TXNRD2: variants seen among roughly 807,000 people sequenced by gnomAD.
TXNRD2 encodes the protein thioredoxin reductase 2, mitochondrial.
TXNRD2 carries 67 observed loss-of-function variants against 70.8 expected under a neutral mutation model. The ratio of observed to expected loss-of-function variants is 0.95; its 90% confidence interval spans 0.78 to 1.16. TXNRD2 has a LOEUF of 1.16. Among genes scored for constraint, TXNRD2 ranks in the 50% most tolerant of loss-of-function variants. The pLI, the probability that TXNRD2 is intolerant of heterozygous loss-of-function variation, is 0.00. For synonymous variants in TXNRD2, 301 were observed against 295.8 expected (o/e 1.02, Z -0.18); for missense variants, 644 against 719.9 (o/e 0.89, Z 1.21).
chr22:19,877,350 G>T, intron 16 of TXNRD2, 116 bp from the exon 17 acceptor site: 1 of 962,814 alleles, frequency 1.0e-6, no homozygotes, highest in Non-Finnish European at 1.6e-6. Context: ...ACTGTCCCCT[G>T]ACCCCCAGCC....
At chr22:19,878,213 A>G (rs759278067) in intron 15 of TXNRD2, 26 bp from the exon 16 acceptor site, 1 of 1,609,836 alleles carries the variant, frequency 6.2e-7, no homozygotes, top group East Asian at 2.2e-5. Flanking sequence ...CTCAGCCACC[A>G]GCCCAGGAGG....
intron 2 of TXNRD2, among the ~76,000 whole-genome samples, chr22:19,920,554 G>T (rs912068645): frequency 6.6e-6 from 1 of 151,580 alleles, no homozygotes; most frequent in Non-Finnish European, 1.5e-5. Flanking sequence ...CTGTACTCCA[G>T]CCTGGGCGAC....
In TXNRD2 at chr22:19,921,172, T is replaced by A. The variant is rs549933150; in HGVS notation, c.173-1573A>T. On this transcript the variant is annotated intron_variant, in intron 2 of 17. Coordinates refer to ENST00000400521, the MANE Select transcript of TXNRD2 (RefSeq NM_006440.5). ...GCTCACGCCTATAATCTCAACACTT[T>A]GGGAGGCCGCAGCAGGCAGATTGCT... Among the ~76,000 whole-genome samples the A allele has an allele frequency of 4.6e-5, 7 of 150,834 alleles. No homozygotes were observed. The East Asian group carries it at 1.4e-3, about 29-fold the overall frequency.
At chr22:19,913,113 C>T (rs1416383717) in intron 7 of TXNRD2, among the ~76,000 whole-genome samples, 2 of 152,130 alleles carry the variant, frequency 1.3e-5, no homozygotes, top group South Asian at 2.1e-4. Flanking sequence ...GCTGCAGCTG[C>T]CCCCCAACCC....
chr22:19,895,339 T>TG lies in TXNRD2; in HGVS notation c.949+67dup, dbSNP rs1188860485. 20 of 1,608,224 alleles carry TG rather than the reference T, an allele frequency of 1.2e-5. No individual in the cohort carries two copies. The East Asian group carries it at 3.8e-4, about 30-fold the overall frequency. On this transcript the variant is annotated intron_variant, in intron 11 of 17. Transcript: ENST00000400521. Reference sequence around the variant, plus strand: ...GGGAGCCCTGGGAGGTGACAGGAAGTGGGGCAAAGATTCTCCATGCACCTC... The same window carrying TG: ...GGGAGCCCTGGGAGGTGACAGGAAGTGGGGGCAAAGATTCTCCATGCACCTC...
In TXNRD2 at chr22:19,877,166, A is replaced by T. The variant is rs759613137; in HGVS notation, c.1514T>A (p.Val505Asp). ...TGAGCGCTTGGAGATGCGCAGCTTG[A>T]CTACCTCCTCAGAGCATGTGGGATG... The part of the protein sequence containing the change: ...GIHPTCSEEV[V>D]KLRISKRSGL... Residue 505 changes from valine (V) to aspartate (D), a missense_variant, in exon 17 of 18, where the codon GTC (valine) becomes GAC (aspartate). Physicochemically the swap from Val to Asp is radical, Grantham distance 152. Transcript: ENST00000400521. 1.1e-4 allele frequency: 171 copies of T among 1,610,258 alleles called. No homozygotes were observed. The highest frequency in any genetic ancestry group is 1.4e-4 in the Non-Finnish European group (168 of 1,177,760).
chr22:19,926,788 A>ACAAC (rs1161317985), intron 2 of TXNRD2, among the ~76,000 whole-genome samples: 1 of 152,018 alleles, frequency 6.6e-6, no homozygotes, highest in Non-Finnish European at 1.5e-5. Context: ...CTGAAAACAA[A>ACAAC]CAACCAACCA....
At chr22:19,936,498 A>G (rs6518591) in intron 1 of TXNRD2, among the ~76,000 whole-genome samples, 34,707 of 151,980 alleles carry the variant, frequency 0.23, 4,478 homozygotes, top group African/African-American at 0.35. Context: ...CCAAACCTTT[A>G]CAGTCTTTGC....
At chr22:19,911,655 G>A (rs1039667324) in intron 7 of TXNRD2, among the ~76,000 whole-genome samples, 3 of 152,184 alleles carry the variant, frequency 2.0e-5, no homozygotes. Context: ...CTGCACTCCA[G>A]GTCCCGGTGC....
chr22:19,939,172 G>A (rs780625961), intron 1 of TXNRD2, among the ~76,000 whole-genome samples: 2 of 148,614 alleles, frequency 1.3e-5, no homozygotes, highest in Non-Finnish European at 3.0e-5. Flanking sequence ...AGGAAGAGAC[G>A]TTCGCGTCAG....
intron 1 of TXNRD2, among the ~76,000 whole-genome samples, chr22:19,935,395 T>C (rs1035786330): frequency 6.6e-6 from 1 of 152,194 alleles, no homozygotes; most frequent in African/African-American, 2.4e-5. Flanking sequence ...TCTTAAACCA[T>C]GTTTTCCGTT....
chr22:19,930,113 G>A (rs966501290), intron 2 of TXNRD2, among the ~76,000 whole-genome samples: 1 of 152,148 alleles, frequency 6.6e-6, no homozygotes, highest in Non-Finnish European at 1.5e-5. Flanking sequence ...CTGATCCTGG[G>A]TGCCTCTGCG....
At chr22:19,915,714 A>G (rs552370773) in intron 6 of TXNRD2, 51 bp downstream of exon 6, 8 of 1,537,076 alleles carry the variant, frequency 5.2e-6, no homozygotes, top group Non-Finnish European at 7.2e-6. Context: ...TTGGTGCCCA[A>G]GGTCTGCAGA....
intron 8 of TXNRD2, among the ~76,000 whole-genome samples, chr22:19,909,783 C>CTT (rs1940279610): frequency 8.3e-6 from 1 of 120,374 alleles, no homozygotes; most frequent in Non-Finnish European, 1.7e-5. Context: ...ACCACACACA[C>CTT]CACACACACA....
intron 1 of TXNRD2, among the ~76,000 whole-genome samples, chr22:19,940,644 C>A (rs1258045309): frequency 6.6e-6 from 1 of 152,138 alleles, no homozygotes; most frequent in African/African-American, 2.4e-5. Flanking sequence ...CCCTTTGAAC[C>A]TTTTTCCTCC....
chr22:19,883,498 C>T (rs749371704), intron 11 of TXNRD2, 37 bp from the exon 12 acceptor site: 1 of 1,613,560 alleles, frequency 6.2e-7, no homozygotes, highest in South Asian at 1.1e-5. Context: ...AGGTTATCTT[C>T]AGTGGCTTTG....
At chr22:19,915,716 G>C in intron 6 of TXNRD2, 49 bp downstream of exon 6, 1 of 1,547,404 alleles carries the variant, frequency 6.5e-7, no homozygotes, top group Non-Finnish European at 8.9e-7. Flanking sequence ...GGTGCCCAAG[G>C]TCTGCAGAAG....
intron 1 of TXNRD2, among the ~76,000 whole-genome samples, chr22:19,937,452 C>A (rs1941570715): frequency 6.6e-6 from 1 of 152,206 alleles, no homozygotes; most frequent in South Asian, 2.1e-4. Context: ...TCAAGGTATT[C>A]TTCTTCATAT....
In TXNRD2 at chr22:19,895,107, G is replaced by A. The variant is rs5993856; in HGVS notation, c.949+300C>T. On this transcript the variant is annotated intron_variant, in intron 11 of 17. Coordinates refer to ENST00000400521, the MANE Select transcript of TXNRD2 (RefSeq NM_006440.5). ...GAGGATGATTGCCTAGTTGATCCTC[G>A]ATGAGGACACCTGGCTGATGCCGTC... 0.18 allele frequency: 289,963 copies of A among 1,597,850 alleles called. 31,021 individuals are homozygous for A. The highest frequency in any genetic ancestry group is 0.49 in the African/African-American group (36,527 of 75,000).
Sources: allele counts gnomAD v4.1 joint callset (sites outside exome capture counted in the v4.1 genomes callset), GRCh38; gene constraint gnomAD v4.1.1; transcripts MANE v1.5; gene names NCBI Gene and HGNC (gene_info 2026-07-23, HGNC 2026-07-21).